ADRA1B: variants seen among roughly 807,000 people sequenced by gnomAD.
ADRA1B encodes adrenoceptor alpha 1B, also known as alpha-1B adrenergic receptor.
A neutral mutation model predicts 17.9 loss-of-function variants in ADRA1B; 17 were observed. The observed-to-expected ratio is 0.95, with a 90% CI of 0.65 to 1.42. ADRA1B has a LOEUF of 1.42. ADRA1B is among the 40% of genes most tolerant of loss of function. ADRA1B has a pLI of 0.00. For synonymous variants in ADRA1B, 366 were observed against 327.6 expected (o/e 1.12, Z -1.27); for missense variants, 681 against 722.1 (o/e 0.94, Z 0.65).
intron 1 of ADRA1B, among the ~76,000 whole-genome samples, chr5:159,952,691 G>A (rs75963739): frequency 2.9e-3 from 445 of 152,154 alleles, no homozygotes; most frequent in Non-Finnish European, 5.4e-3. Context: ...TGCATGTTAG[G>A]GGTTATTACA....
At chr5:159,969,217 T>A (rs1303516098) in intron 1 of ADRA1B, among the ~76,000 whole-genome samples, 1 of 152,184 alleles carries the variant, frequency 6.6e-6, no homozygotes, top group Non-Finnish European at 1.5e-5. Flanking sequence ...GGTCAGTACT[T>A]ACACTTGGCA....
chr5:159,926,635 C>T (rs1317256028), intron 1 of ADRA1B, among the ~76,000 whole-genome samples: 1 of 152,058 alleles, frequency 6.6e-6, no homozygotes, highest in Admixed American at 6.6e-5. Context: ...ACCTGTAATC[C>T]CAGCACTTTG....
intron 1 of ADRA1B, chr5:159,950,604 G>A (rs755254199): frequency 3.7e-5 from 36 of 973,138 alleles, no homozygotes; most frequent in African/African-American, 7.9e-5. Flanking sequence ...GGGCAATGCC[G>A]GCCCCAGCAT....
At chr5:159,945,752 G>GT (rs70987985) in intron 1 of ADRA1B, among the ~76,000 whole-genome samples, 20,643 of 145,180 alleles carry the variant, frequency 0.14, 1,660 homozygotes, top group Non-Finnish European at 0.19. Context: ...TTGTTTGTTT[G>GT]TTTTTTTTTT....
At chr5:159,920,914 G>T (rs538315076) in intron 1 of ADRA1B, among the ~76,000 whole-genome samples, 2 of 152,264 alleles carry the variant, frequency 1.3e-5, no homozygotes, top group South Asian at 4.1e-4. Context: ...ACTGTGTTTG[G>T]CAAAGGGAGA....
rs145030766 is a variant in ADRA1B at position 159,936,524 on chromosome 5, C to T, written c.949+18670C>T. ...CCATTTGTTAAATCAAAATGATAAG[C>T]CTATTAATAATGTAAACTTTCAGAC... is the stretch of plus-strand genomic sequence containing the variant. On this transcript the variant is annotated intron_variant, in intron 1 of 1. Transcript: ENST00000306675. 1.5e-3 allele frequency among the ~76,000 whole-genome samples: 235 copies of T among 152,114 alleles called. 2 individuals carry two copies. Among genetic ancestry groups the T allele is most frequent in the African/African-American group, 5.4e-3 (226 of 41,492 alleles).
At chr5:159,901,897 G>T (rs912301660) in intron 1 of ADRA1B, among the ~76,000 whole-genome samples, 4 of 152,208 alleles carry the variant, frequency 2.6e-5, no homozygotes, top group South Asian at 2.1e-4. Flanking sequence ...CACACTGTTG[G>T]TGGGATTGTA....
chr5:159,917,193 C>T lies in ADRA1B; in HGVS notation c.288C>T (p.Phe96=). Residue 96 remains phenylalanine (F), a synonymous_variant, in exon 1 of 2, where the codon TTC becomes TTT. Transcript: ENST00000306675. The stretch of plus-strand genomic sequence containing the variant: ...CCATGGCCGACCTGCTGTTGAGCTT[C>T]ACCGTCCTGCCCTTCTCAGCGGCCC... ...NLAMADLLLS[F]TVLPFSAALE... is the part of the protein sequence containing the mutation. 6.2e-7 allele frequency: 1 copy of T among 1,614,214 alleles called. No homozygotes were observed. The highest frequency in any genetic ancestry group is 1.6e-4 in the Middle Eastern group (1 of 6,062).
chr5:159,935,738 G>A (rs572687081), intron 1 of ADRA1B, among the ~76,000 whole-genome samples: 1 of 152,092 alleles, frequency 6.6e-6, no homozygotes, highest in Admixed American at 6.5e-5. Flanking sequence ...GTAGAGACAG[G>A]GTTTCGCCAT....
chr5:159,893,512 T>C (rs1237430717), intron 1 of ADRA1B, among the ~76,000 whole-genome samples: 1 of 152,046 alleles, frequency 6.6e-6, no homozygotes, highest in Non-Finnish European at 1.5e-5. Flanking sequence ...CAAAATGAAG[T>C]GGAAAACAAG....
At chr5:159,955,033 C>G in intron 1 of ADRA1B, 1 of 579,972 alleles carries the variant, frequency 1.7e-6, no homozygotes, top group Non-Finnish European at 2.2e-6. Flanking sequence ...CTTGCTGGAA[C>G]CTGGAGAATG....
intron 1 of ADRA1B, among the ~76,000 whole-genome samples, chr5:159,970,390 C>T (rs145575679): frequency 1.3e-5 from 2 of 152,298 alleles, no homozygotes; most frequent in African/African-American, 4.8e-5. Context: ...TATTTCAGAT[C>T]TTTCCACGTG....
At chr5:159,905,598 G>T (rs2113126223) in intron 1 of ADRA1B, among the ~76,000 whole-genome samples, 1 of 152,326 alleles carries the variant, frequency 6.6e-6, no homozygotes, top group African/African-American at 2.4e-5. Context: ...AAGAAACACT[G>T]CCCTGCTCTC....
At chr5:159,899,042 G>A (rs1420110426) in intron 1 of ADRA1B, among the ~76,000 whole-genome samples, 9 of 152,040 alleles carry the variant, frequency 5.9e-5, no homozygotes, top group Non-Finnish European at 1.3e-4. Flanking sequence ...AGCTACGTGG[G>A]AGGCTGAAGC....
In ADRA1B at chr5:159,871,024, T is replaced by G. The variant is rs970474930; in HGVS notation, c.-256+5818T>G. 1.1e-4 allele frequency: 16 copies of G among 152,202 alleles called. 1 individual carries two copies. Among genetic ancestry groups the G allele is most frequent in the African/African-American group, 3.9e-4 (16 of 41,446 alleles). The allele number at this position is 152,202 out of a possible 1,614,324, so 9.4% of individuals were successfully genotyped here. On this transcript the variant is annotated intron_variant, in intron 1 of 2. Transcript: ENST00000641205. ...AGATGCTCATCCTGTGGGAAGACCATAGAAGAGGTGAGGAGGAGTAGTTGT... is the reference window on the plus strand; with the variant it reads ...AGATGCTCATCCTGTGGGAAGACCAGAGAAGAGGTGAGGAGGAGTAGTTGT...
intron 1 of ADRA1B, among the ~76,000 whole-genome samples, chr5:159,893,421 AG>A (rs1754008361): frequency 6.6e-6 from 1 of 152,220 alleles, no homozygotes; most frequent in Non-Finnish European, 1.5e-5. Context: ...GATGAATATG[AG>A]AATGGAGAGG....
intron 1 of ADRA1B, among the ~76,000 whole-genome samples, chr5:159,941,923 T>TTC (rs1755140964): frequency 6.8e-6 from 1 of 146,410 alleles, no homozygotes; most frequent in African/African-American, 2.5e-5. Context: ...GGGTTTCTTT[T>TTC]TTTTTTTTTT....
At chr5:159,963,579 G>C (rs561177500) in intron 1 of ADRA1B, among the ~76,000 whole-genome samples, 2 of 152,178 alleles carry the variant, frequency 1.3e-5, no homozygotes, top group African/African-American at 4.8e-5. Context: ...AGTCATGATG[G>C]ACTGCCTTGG....
At chr5:159,939,314 TGTGTGTGTGCGCGC>T (rs1459018216) in intron 1 of ADRA1B, among the ~76,000 whole-genome samples, 2 of 127,012 alleles carry the variant, frequency 1.6e-5, no homozygotes, top group African/African-American at 6.4e-5. Flanking sequence ...TGTGTGTGTG[TGTGTGTGTGCGCGC>T]GCGCGCGCAC....
Sources: gnomAD v4.1 joint callset for allele counts (sites outside exome capture counted in the v4.1 genomes callset) on GRCh38, gnomAD v4.1.1 for gene constraint, MANE v1.5 for transcripts, NCBI Gene and HGNC (gene_info 2026-07-23, HGNC 2026-07-21) for gene names.